Variants in GLIS3 observed in about 807,000 individuals in gnomAD.
GLIS3 encodes zinc finger protein GLIS3.
A neutral mutation model predicts 78.6 loss-of-function variants in GLIS3; 53 were observed. That is an observed-to-expected ratio of 0.67 (90% CI 0.54 to 0.85). The LOEUF (loss-of-function observed/expected upper bound fraction) is 0.85. Ranked by LOEUF, GLIS3 falls within the 40% of genes least tolerant of loss-of-function variation. The pLI is 0.00. For synonymous variants in GLIS3, 684 were observed against 509.9 expected, an observed-to-expected ratio of 1.34 and a Z score of -4.60; for missense variants, 1,703 against 1,231.1, an observed-to-expected ratio of 1.38 and a Z score of -5.74.
rs565352766 is a variant in GLIS3 at position 4,201,353 on chromosome 9, GA to G, written c.389-75413del. ...TACCAAACCAATCAGACAAGAGAAA[GA>G]AAAAAAGGCATCCAAATAGAAAAAG... On this transcript the variant is annotated intron_variant, in intron 2 of 10. Coordinates refer to ENST00000381971, the MANE Select transcript of GLIS3 (RefSeq NM_001042413.2). Among the ~76,000 whole-genome samples, 75 of 151,996 alleles carry G rather than the reference GA, an allele frequency of 4.9e-4. No individual in the cohort carries two copies. The South Asian group carries it at 0.015, about 31-fold the overall frequency.
chr9:4,390,774 C>T, the GLIS3 span, among the ~76,000 whole-genome samples: 12 of 152,306 alleles, frequency 7.9e-5, no homozygotes, highest in African/African-American at 2.6e-4. Context: ...GGCTACCTCT[C>T]CTTATCCTAA....
rs1325144415 is a variant in GLIS3 at position 4,118,429 on chromosome 9, T to C, written c.1049A>G (p.His350Arg). The stretch of plus-strand genomic sequence containing the variant: ...GCAGCTGCCGCGCACGCCCAGGAAA[T>C]GCCCGTAGACCTCCGGCTGCGGGGA... Reference protein sequence around the residue: ...NLSPQPEVYGHFLGVRGSCIP... With the variant: ...NLSPQPEVYGRFLGVRGSCIP... The change falls in exon 4 of 11, where the codon CAT becomes CGT. Residue 350 changes from histidine (H) to arginine (R), a missense_variant. By Grantham distance (29) the His-to-Arg change is conservative. Coordinates refer to ENST00000381971, the MANE Select transcript of GLIS3 (RefSeq NM_001042413.2). The surrounding 1 kb of genome is among the most constrained non-coding windows in gnomAD (Gnocchi z 4.7). The C allele has an allele frequency of 3.1e-6, 5 of 1,611,174 alleles. No homozygotes were observed. Among genetic ancestry groups the C allele is most frequent in the Non-Finnish European group, 4.2e-6 (5 of 1,179,942 alleles).
Position 4,299,512 on chromosome 9 carries a change from G to A in GLIS3, c.-190C>T, listed in dbSNP as rs956251262. The A allele has an allele frequency of 1.3e-5, 2 of 152,578 alleles. No individual in the cohort carries two copies. The highest frequency in any genetic ancestry group is 4.8e-5 in the African/African-American group (2 of 41,454). The allele number at this position is 152,578 out of a possible 1,614,324, so 9.5% of individuals were successfully genotyped here. A position where few individuals can be genotyped will look rare whatever the true frequency, so the allele number is the denominator to read the frequency against. On this transcript the variant is annotated 5_prime_UTR_variant, in exon 1 of 11. Transcript: ENST00000381971. ...GTGACAGCGGGCGGCCGGCGCTGGCGAGGAGTAACTTGGGGCTCCAGCCCT... is the reference window on the plus strand; with the variant it reads ...GTGACAGCGGGCGGCCGGCGCTGGCAAGGAGTAACTTGGGGCTCCAGCCCT...
the GLIS3 span, among the ~76,000 whole-genome samples, chr9:4,419,632 T>C: frequency 2.2e-4 from 32 of 142,514 alleles, no homozygotes; most frequent in Non-Finnish European, 3.1e-4. Context: ...ATACAAAAAT[T>C]AGCCGGGCGT....
At chr9:4,437,788 G>A in the GLIS3 span, among the ~76,000 whole-genome samples, 5 of 152,088 alleles carry the variant, frequency 3.3e-5, no homozygotes, top group Admixed American at 6.6e-5. Context: ...AAGACAATGA[G>A]GGTGAGGACC....
At chr9:4,052,316 ATTT>A (rs886566719) in intron 4 of GLIS3, among the ~76,000 whole-genome samples, 1 of 151,644 alleles carries the variant, frequency 6.6e-6, no homozygotes, top group African/African-American at 2.4e-5. Context: ...AATTGGTTTA[ATTT>A]TTTTTTGTGG....
chr9:4,467,384 A>T, the GLIS3 span, among the ~76,000 whole-genome samples: 1 of 152,238 alleles, frequency 6.6e-6, no homozygotes, highest in African/African-American at 2.4e-5. Flanking sequence ...ACCTCCCAGT[A>T]GGTGGCCACT....
intron 4 of GLIS3, among the ~76,000 whole-genome samples, chr9:3,984,035 A>G (rs1819526759): frequency 6.6e-6 from 1 of 152,244 alleles, no homozygotes; most frequent in Non-Finnish European, 1.5e-5. Context: ...CCCGAGGCCT[A>G]GGAGGAAAAA....
chr9:4,374,036 A>G, the GLIS3 span, among the ~76,000 whole-genome samples: 1 of 152,216 alleles, frequency 6.6e-6, no homozygotes, highest in South Asian at 2.1e-4. Context: ...TAACAGTTAC[A>G]TTTCACATCT....
chr9:4,251,618 T>C (rs1824395776), intron 2 of GLIS3, among the ~76,000 whole-genome samples: 1 of 152,200 alleles, frequency 6.6e-6, no homozygotes, highest in Non-Finnish European at 1.5e-5. Flanking sequence ...TTAAGGTTAA[T>C]ATTTTCATGT....
intron 2 of GLIS3, among the ~76,000 whole-genome samples, chr9:4,318,332 T>G (rs1817470197): frequency 6.6e-6 from 1 of 152,142 alleles, no homozygotes; most frequent in African/African-American, 2.4e-5. Context: ...GACATCTCAG[T>G]AGTCGTGAGC....
chr9:4,087,021 C>A (rs1462901570), intron 4 of GLIS3, among the ~76,000 whole-genome samples: 9 of 152,170 alleles, frequency 5.9e-5, no homozygotes, highest in Non-Finnish European at 1.3e-4. Flanking sequence ...GTACATGTGG[C>A]AGTCAACTTG....
intron 9 of GLIS3, among the ~76,000 whole-genome samples, chr9:3,849,309 G>T (rs536564879): frequency 5.3e-5 from 8 of 152,306 alleles, no homozygotes; most frequent in African/African-American, 1.9e-4. Flanking sequence ...AGCCCCTCCG[G>T]TGTGCCTATC....
intron 4 of GLIS3, among the ~76,000 whole-genome samples, chr9:3,966,783 A>C (rs984746527): frequency 3.3e-5 from 5 of 151,748 alleles, no homozygotes; most frequent in Admixed American, 1.3e-4. Context: ...CAAAAAAAAA[A>C]CAAAAAACAA....
At chr9:4,436,384 G>A in the GLIS3 span, among the ~76,000 whole-genome samples, 5 of 152,228 alleles carry the variant, frequency 3.3e-5, no homozygotes, top group Admixed American at 6.5e-5. Context: ...ATTGTAACAC[G>A]ATAATATTCA....
intron 1 of GLIS3, among the ~76,000 whole-genome samples, chr9:4,287,669 G>A (rs537587849): frequency 3.9e-5 from 6 of 152,180 alleles, no homozygotes; most frequent in African/African-American, 1.4e-4. Context: ...CCTAATTTTT[G>A]TGTATGATCC....
chr9:4,094,768 A>C (rs992047886), intron 4 of GLIS3, among the ~76,000 whole-genome samples: 1 of 152,232 alleles, frequency 6.6e-6, no homozygotes, highest in African/African-American at 2.4e-5. Flanking sequence ...TAATGATCTT[A>C]GATCCGATGG....
At chr9:4,463,512 C>G in the GLIS3 span, among the ~76,000 whole-genome samples, 1 of 152,102 alleles carries the variant, frequency 6.6e-6, no homozygotes, top group African/African-American at 2.4e-5. Context: ...TGTTGGCAAT[C>G]TCAGGCATCA....
intron 4 of GLIS3, among the ~76,000 whole-genome samples, chr9:4,002,866 A>G (rs1310179650): frequency 6.6e-6 from 1 of 152,172 alleles, no homozygotes; most frequent in African/African-American, 2.4e-5. Flanking sequence ...TATGAGCGTG[A>G]TGGTTAGAAC....
Sources: allele counts gnomAD v4.1 joint callset (sites outside exome capture counted in the v4.1 genomes callset), GRCh38; gene constraint gnomAD v4.1.1; non-coding constraint Gnocchi (gnomAD v3.1); transcripts MANE v1.5; gene names NCBI Gene and HGNC (gene_info 2026-07-23, HGNC 2026-07-21).